Variants in MTUS2 observed in about 807,000 individuals in gnomAD.
MTUS2 encodes the protein microtubule associated scaffold protein 2.
A neutral mutation model predicts 114.1 loss-of-function variants in MTUS2; 40 were observed. The observed-to-expected ratio is 0.35, with a 90% CI of 0.27 to 0.46. MTUS2 has a LOEUF of 0.46. Ranked by LOEUF, MTUS2 falls within the 20% of genes least tolerant of loss-of-function variation. MTUS2 has a pLI of 1.00. For missense variants in MTUS2, 1,679 were observed against 1,705.4 expected (o/e 0.98, Z 0.27); for synonymous variants, 688 against 672.0 (o/e 1.02, Z -0.37).
chr13:29,142,796 G>C (rs575660375), intron 5 of MTUS2, among the ~76,000 whole-genome samples: 1 of 152,180 alleles, frequency 6.6e-6, no homozygotes, highest in Non-Finnish European at 1.5e-5. Flanking sequence ...GTCATCAGGT[G>C]AATATTGTTC....
At chr13:29,318,486 AGTGACTT>A (rs751098821) in intron 6 of MTUS2, among the ~76,000 whole-genome samples, 6 of 149,856 alleles carry the variant, frequency 4.0e-5, no homozygotes, top group Non-Finnish European at 8.8e-5. Context: ...CCAAGCAGTT[AGTGACTT>A]TCTGGTGAGT....
chr13:29,466,610 C>G (rs1183734664), intron 9 of MTUS2, among the ~76,000 whole-genome samples: 1 of 151,986 alleles, frequency 6.6e-6, no homozygotes, highest in Non-Finnish European at 1.5e-5. Flanking sequence ...GGTGTGGTGG[C>G]TCACGCCTGT....
chr13:29,140,122 TAGAG>T (rs1397728152), intron 5 of MTUS2, among the ~76,000 whole-genome samples: 13 of 152,194 alleles, frequency 8.5e-5, no homozygotes, highest in South Asian at 4.1e-4. Context: ...TTCATCAACA[TAGAG>T]AGATTTATTT....
At chr13:28,906,669 T>G (rs1224397651) in intron 2 of MTUS2, among the ~76,000 whole-genome samples, 4 of 151,604 alleles carry the variant, frequency 2.6e-5, no homozygotes, top group Non-Finnish European at 5.9e-5. Flanking sequence ...AGTGCTTTAC[T>G]TCCAACTATG....
At chr13:29,425,243 A>G (rs907983335) in intron 8 of MTUS2, among the ~76,000 whole-genome samples, 1 of 152,086 alleles carries the variant, frequency 6.6e-6, no homozygotes, top group Admixed American at 6.6e-5. Flanking sequence ...GTGAAACCCC[A>G]TCTCTACTAA....
At chr13:29,375,032 GC>G (rs1413567595) in intron 8 of MTUS2, among the ~76,000 whole-genome samples, 1 of 152,178 alleles carries the variant, frequency 6.6e-6, no homozygotes, top group Admixed American at 6.5e-5. Context: ...TAAAGAAATT[GC>G]TAAGATATGG....
chr13:29,243,165 A>G (rs1896790846), intron 5 of MTUS2, among the ~76,000 whole-genome samples: 1 of 152,224 alleles, frequency 6.6e-6, no homozygotes, highest in South Asian at 2.1e-4. Flanking sequence ...AATTGTCATT[A>G]GCATATAAGA....
At chr13:29,357,847 A>G (rs1433797186) in intron 7 of MTUS2, among the ~76,000 whole-genome samples, 1 of 152,236 alleles carries the variant, frequency 6.6e-6, no homozygotes, top group African/African-American at 2.4e-5. Flanking sequence ...GAGGAGAAGG[A>G]ATTAATTAAA....
At chr13:29,284,588 T>C in intron 6 of MTUS2, among the ~76,000 whole-genome samples, 1 of 152,178 alleles carries the variant, frequency 6.6e-6, no homozygotes, top group East Asian at 1.9e-4. Flanking sequence ...ATTAAACAAA[T>C]GGAAGTAATT....
At chr13:29,481,358 C>A (rs972598633) in intron 10 of MTUS2, among the ~76,000 whole-genome samples, 1 of 151,964 alleles carries the variant, frequency 6.6e-6, no homozygotes, top group Non-Finnish European at 1.5e-5. Context: ...ATTCAGTGTA[C>A]CCCCCACCAC....
intron 11 of MTUS2, among the ~76,000 whole-genome samples, chr13:29,488,369 A>C (rs1881791471): frequency 6.6e-6 from 1 of 151,842 alleles, no homozygotes; most frequent in African/African-American, 2.4e-5. Flanking sequence ...AGGGGATTCT[A>C]ATGTGTAGCC....
At chr13:29,482,935 T>C (rs1881304555) in intron 10 of MTUS2, among the ~76,000 whole-genome samples, 2 of 152,106 alleles carry the variant, frequency 1.3e-5, no homozygotes, top group South Asian at 2.1e-4. Flanking sequence ...ATGCAGGAAG[T>C]GAGGAAGATG....
chr13:28,848,038 A>G (rs933606049), intron 2 of MTUS2, among the ~76,000 whole-genome samples: 8 of 152,202 alleles, frequency 5.3e-5, no homozygotes, highest in Non-Finnish European at 1.0e-4. Flanking sequence ...GCAGGAATAT[A>G]AGACCTGTCC....
At chr13:29,002,108 T>A (rs1788974525) in intron 2 of MTUS2, among the ~76,000 whole-genome samples, 1 of 152,194 alleles carries the variant, frequency 6.6e-6, no homozygotes, top group Non-Finnish European at 1.5e-5. Context: ...ATTTGTGTTG[T>A]CTTGAGCCAG....
intron 15 of MTUS2, 143 bp downstream of exon 15, chr13:29,501,337 A>G: frequency 1.5e-6 from 1 of 652,076 alleles, no homozygotes; most frequent in Non-Finnish European, 2.7e-6. Context: ...AACAAGAACA[A>G]ACCCCTGCGG....
At chr13:28,929,830 C>G (rs544408545) in intron 2 of MTUS2, among the ~76,000 whole-genome samples, 1 of 127,888 alleles carries the variant, frequency 7.8e-6, no homozygotes, top group Non-Finnish European at 1.8e-5. Flanking sequence ...AGCTGAGTGT[C>G]TGGAGGGGAC....
chr13:29,253,164 G>A (rs773115277), intron 5 of MTUS2, among the ~76,000 whole-genome samples: 59 of 150,278 alleles, frequency 3.9e-4, no homozygotes, highest in Non-Finnish European at 7.5e-4. Flanking sequence ...AGTGGCTCAC[G>A]CCTGTAATTC....
At chr13:29,352,712 G>T (rs1382350926) in intron 7 of MTUS2, among the ~76,000 whole-genome samples, 1 of 152,136 alleles carries the variant, frequency 6.6e-6, no homozygotes, top group Non-Finnish European at 1.5e-5. Context: ...ATAATATTCT[G>T]TTGTATGGAT....
At chr13:29,483,034 G>A (rs968643805) in intron 10 of MTUS2, among the ~76,000 whole-genome samples, 1 of 152,182 alleles carries the variant, frequency 6.6e-6, no homozygotes, top group African/African-American at 2.4e-5. Context: ...TGACTGAGAT[G>A]GAGATTAGGA....
Sources: gnomAD v4.1 joint callset for allele counts (sites outside exome capture counted in the v4.1 genomes callset) on GRCh38, gnomAD v4.1.1 for gene constraint, MANE v1.5 for transcripts, NCBI Gene and HGNC (gene_info 2026-07-23, HGNC 2026-07-21) for gene names.